ANKHD1: variants seen among roughly 807,000 people sequenced by gnomAD.
The protein encoded by ANKHD1 is ankyrin repeat and KH domain containing 1, also known as ankyrin repeat and KH domain-containing protein 1.
ANKHD1 carries 31 observed loss-of-function variants against 230.5 expected under a neutral mutation model. The observed-to-expected ratio is 0.13, with a 90% CI of 0.10 to 0.18. ANKHD1 has a LOEUF of 0.18. ANKHD1 is among the 10% of genes least tolerant of loss of function. The pLI, the probability that ANKHD1 is intolerant of heterozygous loss-of-function variation, is 1.00. For synonymous variants in ANKHD1, 1,074 were observed against 1,117.6 expected (o/e 0.96, Z 0.78); for missense variants, 2,256 against 3,071.3 (o/e 0.73, Z 6.27).
intron 5 of ANKHD1, among the ~76,000 whole-genome samples, chr5:140,443,771 C>G (rs1417198810): frequency 6.6e-6 from 1 of 151,752 alleles, no homozygotes; most frequent in African/African-American, 2.4e-5. Flanking sequence ...TGGTGATCAT[C>G]AAATTCAGTG....
At chr5:140,505,943 G>C in intron 18 of ANKHD1, 74 bp downstream of exon 18, 1 of 1,505,620 alleles carries the variant, frequency 6.6e-7, no homozygotes, top group Non-Finnish European at 8.8e-7. Context: ...TCGTATTTTA[G>C]CTACATGAAT....
chr5:140,437,578 C>T (rs1345572224), intron 2 of ANKHD1, among the ~76,000 whole-genome samples: 8 of 152,226 alleles, frequency 5.3e-5, no homozygotes, highest in Admixed American at 4.6e-4. Context: ...TGGCGGCGCA[C>T]CCCTGTAATC....
chr5:140,500,298 C>G (rs1381942582), intron 15 of ANKHD1, among the ~76,000 whole-genome samples: 1 of 152,114 alleles, frequency 6.6e-6, no homozygotes, highest in African/African-American at 2.4e-5. Context: ...ATTTCATGGG[C>G]TAATTATAAT....
chr5:140,496,385 A>G (rs1258822412), intron 14 of ANKHD1, 135 bp from the exon 15 acceptor site: 2 of 882,934 alleles, frequency 2.3e-6, no homozygotes, highest in African/African-American at 3.5e-5. Context: ...ATTCTATAAC[A>G]TTAGTTATAA....
At chr5:140,496,459 T>TTG in intron 14 of ANKHD1, 61 bp from the exon 15 acceptor site, 2 of 1,185,560 alleles carry the variant, frequency 1.7e-6, no homozygotes, top group Non-Finnish European at 2.2e-6. Flanking sequence ...TTTTTTTCTT[T>TTG]TCTTTTTTTT....
At chr5:140,508,682 G>A (rs1004236311) in intron 20 of ANKHD1, among the ~76,000 whole-genome samples, 16 of 152,126 alleles carry the variant, frequency 1.1e-4, no homozygotes, top group African/African-American at 3.9e-4. Context: ...CCGGAACTTG[G>A]GAGGTGGAGG....
intron 3 of ANKHD1, 151 bp from the exon 4 acceptor site, chr5:140,439,968 A>G: frequency 9.7e-7 from 1 of 1,026,842 alleles, no homozygotes; most frequent in Non-Finnish European, 1.3e-6. Flanking sequence ...GAAGTTGCAG[A>G]CAAAATGCTC....
intron 1 of ANKHD1, among the ~76,000 whole-genome samples, chr5:140,417,412 AT>A (rs1561686660): frequency 2.0e-5 from 3 of 151,258 alleles, no homozygotes; most frequent in South Asian, 2.1e-4. Context: ...TTAATTAAAC[AT>A]TTTTTTAATT....
At chr5:140,486,571 G>A (rs1264385962) in intron 13 of ANKHD1, 1 of 153,474 alleles carries the variant, frequency 6.5e-6, no homozygotes, top group Non-Finnish European at 1.5e-5. Context: ...AAAACTGCTA[G>A]CATACCCCAA....
chr5:140,427,143 G>A (rs1772503773), intron 1 of ANKHD1, among the ~76,000 whole-genome samples: 1 of 150,576 alleles, frequency 6.6e-6, no homozygotes, highest in African/African-American at 2.4e-5. Flanking sequence ...GCCGGGCAGG[G>A]GGCTGACCCC....
At chr5:140,496,481 T>TTTA in intron 14 of ANKHD1, 39 bp from the exon 15 acceptor site, 13 of 1,162,232 alleles carry the variant, frequency 1.1e-5, no homozygotes, top group South Asian at 3.3e-5. Flanking sequence ...TTTTTTTTTT[T>TTTA]TAGCATGGCA....
chr5:140,473,936 G>T (rs1232648513), intron 10 of ANKHD1, among the ~76,000 whole-genome samples: 4 of 152,134 alleles, frequency 2.6e-5, no homozygotes, highest in African/African-American at 7.2e-5. Context: ...GAAATAGGGG[G>T]TCTGCATTTG....
chr5:140,436,825 A>T (rs1351657238), intron 2 of ANKHD1, among the ~76,000 whole-genome samples: 1 of 151,686 alleles, frequency 6.6e-6, no homozygotes, highest in Non-Finnish European at 1.5e-5. Flanking sequence ...AATGTGGGAG[A>T]TAAATTTAGT....
intron 1 of ANKHD1, among the ~76,000 whole-genome samples, chr5:140,405,321 A>T (rs2126833573): frequency 6.6e-6 from 1 of 152,276 alleles, no homozygotes; most frequent in East Asian, 1.9e-4. Context: ...AATCTGTGTA[A>T]GCAGGAAATT....
chr5:140,445,292 C>T (rs764725192), intron 5 of ANKHD1, among the ~76,000 whole-genome samples: 2 of 151,904 alleles, frequency 1.3e-5, no homozygotes, highest in African/African-American at 2.4e-5. Context: ...GATTACCTGA[C>T]GTCAGGAGTT....
At chr5:140,459,439 C>T in intron 9 of ANKHD1, 84 bp downstream of exon 9, 1 of 1,409,040 alleles carries the variant, frequency 7.1e-7, no homozygotes, top group Non-Finnish European at 9.4e-7. Flanking sequence ...CGTTGAGCTC[C>T]TAGTAGATAA....
Position 140,441,147 on chromosome 5 carries a change from G to A in ANKHD1, c.913+5G>A, listed in dbSNP as rs768885772. On this transcript the variant is annotated splice_donor_5th_base_variant and intron_variant, in intron 5 of 33. Coordinates refer to ENST00000360839, the MANE Select transcript of ANKHD1 (RefSeq NM_017747.3). ...TCAACTCCCAGTCTGCAACAGGTAT[G>A]TAGAAAATGATGTATTAATTGGGAG... 5 of 1,565,060 alleles carry A rather than the reference G, an allele frequency of 3.2e-6. No individual in the cohort carries two copies. The highest frequency in any genetic ancestry group is 1.2e-5 in the South Asian group (1 of 82,960).
intron 14 of ANKHD1, among the ~76,000 whole-genome samples, chr5:140,493,949 TTAC>T (rs1261849343): frequency 6.6e-6 from 1 of 152,218 alleles, no homozygotes; most frequent in African/African-American, 2.4e-5. Context: ...CATAACATAA[TTAC>T]TAACCAGTCT....
chr5:140,474,889 T>C (rs1049137212), intron 10 of ANKHD1, among the ~76,000 whole-genome samples: 8 of 152,184 alleles, frequency 5.3e-5, no homozygotes, highest in Non-Finnish European at 1.0e-4. Context: ...ATTTCAACTG[T>C]TAGTAATTAC....
Sources: allele counts gnomAD v4.1 joint callset (sites outside exome capture counted in the v4.1 genomes callset), GRCh38; gene constraint gnomAD v4.1.1; transcripts MANE v1.5; gene names NCBI Gene and HGNC (gene_info 2026-07-23, HGNC 2026-07-21).